XRCC4: variants seen among roughly 807,000 people sequenced by gnomAD.
The protein encoded by XRCC4 is X-ray repair cross complementing 4.
Under a neutral mutation model 39.1 loss-of-function variants are expected in XRCC4, and 28 were observed. The observed-to-expected ratio is 0.72, with a 90% CI of 0.53 to 0.98. The LOEUF (loss-of-function observed/expected upper bound fraction) is 0.98, where lower values mean the gene tolerates loss of function less well. Among genes scored for constraint, XRCC4 ranks in the 50% least tolerant of loss-of-function variants. The pLI is 0.00. For missense variants in XRCC4, 350 were observed against 376.4 expected (o/e 0.93, Z 0.58); for synonymous variants, 123 against 126.4 (o/e 0.97, Z 0.18).
chr5:83,088,105 G>A (rs1745263649), intron 1 of XRCC4, among the ~76,000 whole-genome samples: 1 of 151,874 alleles, frequency 6.6e-6, no homozygotes, highest in African/African-American at 2.4e-5. Context: ...TCTTATTTTT[G>A]TTTATATTGG....
At chr5:83,284,168 A>G (rs1391692457) in intron 7 of XRCC4, among the ~76,000 whole-genome samples, 3 of 151,168 alleles carry the variant, frequency 2.0e-5, no homozygotes, top group African/African-American at 2.4e-5. Flanking sequence ...TGATGATCCT[A>G]TTCATGAAAA....
At chr5:83,112,999 C>T (rs1194597815) in intron 3 of XRCC4, among the ~76,000 whole-genome samples, 2 of 152,112 alleles carry the variant, frequency 1.3e-5, no homozygotes, top group African/African-American at 4.8e-5. Flanking sequence ...CCAAGAGTCC[C>T]CCAGAGTCTT....
intron 3 of XRCC4, among the ~76,000 whole-genome samples, chr5:83,194,008 A>C (rs554851881): frequency 1.3e-5 from 2 of 152,122 alleles, no homozygotes; most frequent in African/African-American, 2.4e-5. Context: ...ATCTAGGCTC[A>C]CTGCAACCTG....
At chr5:83,330,666 A>T (rs1756409688) in intron 7 of XRCC4, among the ~76,000 whole-genome samples, 2 of 152,034 alleles carry the variant, frequency 1.3e-5, no homozygotes, top group Admixed American at 1.3e-4. Flanking sequence ...GTAGCTTTGC[A>T]GGAGTTTAAT....
intron 6 of XRCC4, among the ~76,000 whole-genome samples, chr5:83,240,450 G>A (rs1752864336): frequency 6.6e-6 from 1 of 152,174 alleles, no homozygotes; most frequent in Non-Finnish European, 1.5e-5. Flanking sequence ...GGGGAGAGCT[G>A]AGAACTATGT....
chr5:83,356,433 G>T (rs1328159978), downstream of XRCC4, among the ~76,000 whole-genome samples: 4 of 152,082 alleles, frequency 2.6e-5, no homozygotes, highest in Non-Finnish European at 2.9e-5. Context: ...TATTTCCCAA[G>T]TAATAATAAC....
At chr5:83,183,192 T>C (rs989632004) in intron 3 of XRCC4, among the ~76,000 whole-genome samples, 2 of 152,132 alleles carry the variant, frequency 1.3e-5, no homozygotes, top group Non-Finnish European at 2.9e-5. Context: ...CTCCTTTTTT[T>C]CCCCAGTCTT....
chr5:83,251,421 G>A (rs1009045525), intron 6 of XRCC4, among the ~76,000 whole-genome samples: 3 of 151,592 alleles, frequency 2.0e-5, no homozygotes, highest in African/African-American at 7.3e-5. Context: ...CTACTCAGGA[G>A]GCTGAGGCAG....
intron 6 of XRCC4, among the ~76,000 whole-genome samples, chr5:83,233,733 CA>C (rs200461475): frequency 0.014 from 1,352 of 98,408 alleles, 7 homozygotes; most frequent in African/African-American, 0.028. Flanking sequence ...ACTAAAAATG[CA>C]AAAAAAAAAA....
At chr5:83,155,339 G>A (rs1748908357) in intron 3 of XRCC4, among the ~76,000 whole-genome samples, 1 of 152,112 alleles carries the variant, frequency 6.6e-6, no homozygotes, top group Admixed American at 6.5e-5. Context: ...TAGGAAGAAT[G>A]TTCTTAGTTC....
At chr5:83,268,182 A>G (rs1754021408) in intron 7 of XRCC4, among the ~76,000 whole-genome samples, 2 of 152,280 alleles carry the variant, frequency 1.3e-5, no homozygotes, top group South Asian at 2.1e-4. Context: ...ATTGGAAGGA[A>G]CAGCAGGGAT....
chr5:83,345,885 G>A (rs1335250209), intron 7 of XRCC4, among the ~76,000 whole-genome samples: 1 of 151,970 alleles, frequency 6.6e-6, no homozygotes. Flanking sequence ...AATAAATCTA[G>A]CTTTTGATCT....
chr5:83,151,593 T>C (rs781547079), intron 3 of XRCC4, among the ~76,000 whole-genome samples: 3 of 152,186 alleles, frequency 2.0e-5, no homozygotes, highest in Non-Finnish European at 2.9e-5. Context: ...ATATTAATGA[T>C]TTAAAATCTT....
chr5:83,163,400 G>A (rs959284242), intron 3 of XRCC4, among the ~76,000 whole-genome samples: 4 of 152,066 alleles, frequency 2.6e-5, no homozygotes, highest in South Asian at 2.1e-4. Flanking sequence ...GATTACTGTC[G>A]ATTGATATGT....
chr5:83,081,147 G>A (rs1368326091), intron 1 of XRCC4, among the ~76,000 whole-genome samples: 1 of 152,178 alleles, frequency 6.6e-6, no homozygotes, highest in East Asian at 1.9e-4. Context: ...GGAGAGGACT[G>A]CTATAAAAGG....
At chr5:83,244,407 CT>C in intron 6 of XRCC4, among the ~76,000 whole-genome samples, 1 of 152,246 alleles carries the variant, frequency 6.6e-6, no homozygotes, top group East Asian at 1.9e-4. Flanking sequence ...AGGGGTGTCA[CT>C]TGAGTGCTTA....
At chr5:83,235,350 A>AG (rs1554067254) in intron 6 of XRCC4, among the ~76,000 whole-genome samples, 143 of 150,808 alleles carry the variant, frequency 9.5e-4, no homozygotes, top group African/African-American at 3.4e-3. Context: ...AAAAAAAAAA[A>AG]AAAGAAAGAA....
chr5:83,199,275 A>G (rs1751076973), intron 4 of XRCC4, among the ~76,000 whole-genome samples: 1 of 152,122 alleles, frequency 6.6e-6, no homozygotes, highest in South Asian at 2.1e-4. Context: ...TCTTTCTTCC[A>G]TCTATGGGTA....
At chr5:83,244,129 G>GTA (rs1490251866) in intron 6 of XRCC4, among the ~76,000 whole-genome samples, 1 of 152,232 alleles carries the variant, frequency 6.6e-6, no homozygotes, top group African/African-American at 2.4e-5. Flanking sequence ...TTATGTAATG[G>GTA]TATATATAGT....
Sources: allele counts gnomAD v4.1 joint callset (sites outside exome capture counted in the v4.1 genomes callset), GRCh38; gene constraint gnomAD v4.1.1; transcripts MANE v1.5; gene names NCBI Gene and HGNC (gene_info 2026-07-23, HGNC 2026-07-21).